Variants in CNN3 observed in about 807,000 individuals in gnomAD.
CNN3 encodes the protein calponin-3.
In CNN3, 11 loss-of-function variants were observed where a neutral mutation model predicts 39.0. That is an observed-to-expected ratio of 0.28 (90% CI 0.18 to 0.47). CNN3 has a LOEUF of 0.47. Ranked by LOEUF, CNN3 falls within the 20% of genes least tolerant of loss-of-function variation. CNN3 has a pLI of 0.99. For missense variants in CNN3, 266 were observed against 403.4 expected (o/e 0.66, Z 2.92); for synonymous variants, 101 against 138.3 (o/e 0.73, Z 1.89).
chr1:94,913,192 T>C (rs975671613), intron 1 of CNN3, among the ~76,000 whole-genome samples: 1 of 152,214 alleles, frequency 6.6e-6, no homozygotes, highest in African/African-American at 2.4e-5. Flanking sequence ...GCCAACACTA[T>C]CTTGGTCTGC....
In CNN3 at chr1:94,898,099, A is replaced by G. The variant is rs764531759; in HGVS notation, c.649-16T>C. 1.3e-6 allele frequency: 2 copies of G among 1,598,022 alleles called. No individual in the cohort carries two copies. Among genetic ancestry groups the G allele is most frequent in the East Asian group, 4.5e-5 (2 of 44,680 alleles). Reference sequence around the variant, plus strand: ...ACATCCCTGCCTGGTATTAGAACATAGTATAAAAGTTAAAACAGCAGCTAG... The same window carrying G: ...ACATCCCTGCCTGGTATTAGAACATGGTATAAAAGTTAAAACAGCAGCTAG... On this transcript the variant is annotated splice_polypyrimidine_tract_variant and intron_variant, in intron 6 of 6. Transcript: ENST00000370206.
intron 4 of CNN3, 149 bp downstream of exon 4, chr1:94,901,972 T>C (rs1670880260): frequency 1.3e-6 from 1 of 756,252 alleles, no homozygotes; most frequent in Non-Finnish European, 2.2e-6. Flanking sequence ...ACGATGCAGC[T>C]GATGTCAGCA....
intron 1 of CNN3, among the ~76,000 whole-genome samples, chr1:94,905,540 A>T (rs1054840210): frequency 6.6e-6 from 1 of 152,232 alleles, no homozygotes; most frequent in Non-Finnish European, 1.5e-5. Context: ...GGGAGATGGC[A>T]GTTCTTGATC....
At position 94,926,155 on chromosome 1, in the gene CNN3, C is replaced by T. The variant is rs1344806639; in HGVS notation, c.57+683G>A. 6.6e-6 allele frequency among the ~76,000 whole-genome samples: 1 copy of T among 152,206 alleles called. No homozygotes were observed. Among genetic ancestry groups the T allele is most frequent in the African/African-American group, 2.4e-5 (1 of 41,442 alleles). Reference sequence around the variant, plus strand: ...ATGTACTTCAAACTTCTCAGTGTTTCATAAAAAGTCTCAAGCCTAAGCAGA... The same window carrying T: ...ATGTACTTCAAACTTCTCAGTGTTTTATAAAAAGTCTCAAGCCTAAGCAGA... On this transcript the variant is annotated intron_variant, in intron 1 of 6. Coordinates refer to ENST00000370206, the MANE Select transcript of CNN3 (RefSeq NM_001839.5). This position sits in a 1 kb window ranked among gnomAD's most constrained non-coding sequence, Gnocchi z 4.2.
chr1:94,898,699 A>G (rs1486149852), intron 6 of CNN3, among the ~76,000 whole-genome samples: 2 of 152,194 alleles, frequency 1.3e-5, no homozygotes, highest in Non-Finnish European at 2.9e-5. Flanking sequence ...AGTGGGTAGA[A>G]AAGTAAACGT....
At chr1:94,919,006 T>C (rs933520390) in intron 1 of CNN3, among the ~76,000 whole-genome samples, 2 of 152,128 alleles carry the variant, frequency 1.3e-5, no homozygotes, top group Non-Finnish European at 2.9e-5. Context: ...GCATGTTTTT[T>C]GAAGGTGATG....
At chr1:94,910,397 G>T (rs1006643609) in intron 1 of CNN3, among the ~76,000 whole-genome samples, 1 of 152,074 alleles carries the variant, frequency 6.6e-6, no homozygotes, top group African/African-American at 2.4e-5. Flanking sequence ...ATAAAATAGG[G>T]TGTTTAAAAT....
At chr1:94,915,294 C>A (rs1174539510) in intron 1 of CNN3, among the ~76,000 whole-genome samples, 2 of 152,162 alleles carry the variant, frequency 1.3e-5, no homozygotes, top group Non-Finnish European at 2.9e-5. Flanking sequence ...AAATGCCACC[C>A]AAAGATAGGC....
chr1:94,901,562 C>A, intron 5 of CNN3, 107 bp downstream of exon 5: 1 of 684,612 alleles, frequency 1.5e-6, no homozygotes, highest in South Asian at 1.9e-5. Flanking sequence ...ACCCCCCCCC[C>A]AGTACTATAG....
At chr1:94,924,841 C>T (rs1474657706) in intron 1 of CNN3, among the ~76,000 whole-genome samples, 1 of 152,152 alleles carries the variant, frequency 6.6e-6, no homozygotes, top group Non-Finnish European at 1.5e-5. Flanking sequence ...TACAGGACTG[C>T]TCTGCTGTTA....
chr1:94,903,094 AAC>A, intron 3 of CNN3, 26 bp downstream of exon 3: 1 of 1,508,228 alleles, frequency 6.6e-7, no homozygotes, highest in East Asian at 2.5e-5. Context: ...AACCAACTAG[AAC>A]CAGAGGTGGT....
chr1:94,900,406 C>G lies in CNN3; in HGVS notation c.502-889G>C, dbSNP rs528567288. ...ATATATCTATAGATGCACATATATA[C>G]AAATACATACAAAAACATGTGCATT... On this transcript the variant is annotated intron_variant, in intron 5 of 6. Coordinates refer to ENST00000370206, the MANE Select transcript of CNN3 (RefSeq NM_001839.5). Among the ~76,000 whole-genome samples, 5 of 152,246 alleles carry G rather than the reference C, an allele frequency of 3.3e-5. No homozygotes were observed. The South Asian group carries it at 8.3e-4, about 25-fold the overall frequency.
rs896370487 is a variant in CNN3, at chr1:94,897,599, G to A, written c.*143C>T. On this transcript the variant is annotated 3_prime_UTR_variant, in exon 7 of 7. Transcript: ENST00000370206. ...AGGGAAGAGGCAGAAAAAGGAAAAAGGAATGTACGTAAGGCAATTTTTCTT... is the reference window on the plus strand; with the variant it reads ...AGGGAAGAGGCAGAAAAAGGAAAAAAGAATGTACGTAAGGCAATTTTTCTT... 1 of 697,584 alleles carries A rather than the reference G, an allele frequency of 1.4e-6. No individual in the cohort carries two copies. Among genetic ancestry groups the A allele is most frequent in the Admixed American group, 2.9e-5 (1 of 34,256 alleles). 43.2% of individuals were successfully genotyped at this position (697,584 alleles called of 1,614,324 possible).
intron 1 of CNN3, among the ~76,000 whole-genome samples, chr1:94,911,764 G>C (rs543574125): frequency 8.5e-5 from 13 of 152,072 alleles, no homozygotes; most frequent in African/African-American, 3.1e-4. Flanking sequence ...GGGAGACCCT[G>C]TCTCAAAAAA....
chr1:94,918,532 G>T (rs970933614), intron 1 of CNN3, among the ~76,000 whole-genome samples: 2 of 150,748 alleles, frequency 1.3e-5, no homozygotes, highest in East Asian at 3.9e-4. Context: ...TCGGCAAGGG[G>T]TGGGAGGAAT....
chr1:94,906,145 G>A (rs1012026107), intron 1 of CNN3, among the ~76,000 whole-genome samples: 13 of 151,954 alleles, frequency 8.6e-5, no homozygotes, highest in African/African-American at 2.9e-4. Context: ...ACCACGCCAC[G>A]CTAATTTTCA....
At chr1:94,923,471 T>C (rs760639208) in intron 1 of CNN3, among the ~76,000 whole-genome samples, 1 of 151,788 alleles carries the variant, frequency 6.6e-6, no homozygotes, top group African/African-American at 2.4e-5. Context: ...ACTTTGTTCA[T>C]ATTCCAGGCT....
At position 94,926,812 on chromosome 1, in the gene CNN3, C is replaced by A. The variant is rs780570298; in HGVS notation, c.57+26G>T. On this transcript the variant is annotated intron_variant, in intron 1 of 6. Transcript: ENST00000370206. The surrounding 1 kb of genome is among the most constrained non-coding windows in gnomAD (Gnocchi z 4.2). ...CCAGCCCAAGGGTGCCCCGGGGGCC[C>A]CCGCGCCCGCCCGAGCCAGGCGTAC... 6.2e-7 allele frequency: 1 copy of A among 1,605,712 alleles called. No homozygotes were observed. Among genetic ancestry groups the A allele is most frequent in the South Asian group, 1.1e-5 (1 of 89,770 alleles).
Position 94,913,001 on chromosome 1 carries a change from G to A in CNN3, c.58-9477C>T, listed in dbSNP as rs573508348. ...TGTACCTCAATGTTTGGATTTAGAT[G>A]TGTTCTCTTCTGTTTTGGTCATTAA... On this transcript the variant is annotated intron_variant, in intron 1 of 6. Coordinates refer to ENST00000370206, the MANE Select transcript of CNN3 (RefSeq NM_001839.5). Among the ~76,000 whole-genome samples, 35 of 152,288 alleles carry A rather than the reference G, an allele frequency of 2.3e-4. No homozygotes were observed. In the South Asian group the frequency reaches 6.8e-3, roughly 30 times the overall value.
Sources: gnomAD v4.1 joint callset for allele counts (sites outside exome capture counted in the v4.1 genomes callset) on GRCh38, gnomAD v4.1.1 for gene constraint, Gnocchi (gnomAD v3.1) non-coding constraint, MANE v1.5 for transcripts, NCBI Gene and HGNC (gene_info 2026-07-23, HGNC 2026-07-21) for gene names.